STXBP5L: variants seen among roughly 807,000 people sequenced by gnomAD.
The protein encoded by STXBP5L is syntaxin-binding protein 5-like.
Under a neutral mutation model 144.5 loss-of-function variants are expected in STXBP5L, and 65 were observed. The observed-to-expected ratio is 0.45, with a 90% CI of 0.37 to 0.55. The LOEUF is 0.55. Among genes scored for constraint, STXBP5L ranks in the 20% least tolerant of loss-of-function variants. The pLI, the probability that STXBP5L is intolerant of heterozygous loss-of-function variation, is 0.00. For synonymous variants in STXBP5L, 505 were observed against 469.6 expected, an observed-to-expected ratio of 1.08 and a Z score of -0.97; for missense variants, 1,298 against 1,405.5, an observed-to-expected ratio of 0.92 and a Z score of 1.22.
At chr3:120,970,216 T>C (rs1449522348) in intron 3 of STXBP5L, among the ~76,000 whole-genome samples, 1 of 152,140 alleles carries the variant, frequency 6.6e-6, no homozygotes, top group African/African-American at 2.4e-5. Context: ...AAGATGTAAA[T>C]GGCTTACTTA....
At chr3:121,189,984 G>C (rs1045555372) in intron 9 of STXBP5L, among the ~76,000 whole-genome samples, 1 of 151,686 alleles carries the variant, frequency 6.6e-6, no homozygotes, top group East Asian at 1.9e-4. Context: ...TAAGCATCTT[G>C]GCATTCTGAG....
At chr3:121,274,783 G>A (rs1016314522) in intron 18 of STXBP5L, among the ~76,000 whole-genome samples, 1 of 152,132 alleles carries the variant, frequency 6.6e-6, no homozygotes, top group Non-Finnish European at 1.5e-5. Flanking sequence ...ATGATGACTT[G>A]GTCCCAGGGG....
At position 120,963,427 on chromosome 3, in the gene STXBP5L, T is replaced by G. The variant is rs150866136; in HGVS notation, c.287+8390T>G. 3.9e-3 allele frequency among the ~76,000 whole-genome samples: 598 copies of G among 152,312 alleles called. 13 individuals are homozygous for G. Among genetic ancestry groups the G allele is most frequent in the Admixed American group, 0.03 (462 of 15,298 alleles). Reference sequence around the variant, plus strand: ...GGCAGTATGTCATAAATAGCTCTTATTATTTTGAGATATGTGCCATCAATA... The same window carrying G: ...GGCAGTATGTCATAAATAGCTCTTAGTATTTTGAGATATGTGCCATCAATA... On this transcript the variant is annotated intron_variant, in intron 3 of 26. Coordinates refer to ENST00000471454, the MANE Select transcript of STXBP5L (RefSeq NM_001308330.2).
intron 3 of STXBP5L, among the ~76,000 whole-genome samples, chr3:120,993,765 ATTGCT>A (rs1266615491): frequency 2.0e-5 from 3 of 151,678 alleles, no homozygotes; most frequent in Non-Finnish European, 4.4e-5. Flanking sequence ...TTTCTTTAGG[ATTGCT>A]TTTGCTACTC....
chr3:121,192,479 T>A (rs1355710238), intron 9 of STXBP5L, among the ~76,000 whole-genome samples: 1 of 152,168 alleles, frequency 6.6e-6, no homozygotes, highest in East Asian at 1.9e-4. Flanking sequence ...TACTTTAAAG[T>A]TCATATGGAA....
Position 121,045,497 on chromosome 3 carries a change from G to T in STXBP5L, c.432G>T (p.Arg144Ser), listed in dbSNP as rs752442634. 2.4e-5 allele frequency: 38 copies of T among 1,612,888 alleles called. No individual in the cohort carries two copies. The South Asian group carries it at 3.7e-4, about 16-fold the overall frequency. ...ATTTGTGGAACCTTAGACAAAAAAGGCCAGCCATACTCCATTCTCTTAAAT... is the reference window on the plus strand; with the variant it reads ...ATTTGTGGAACCTTAGACAAAAAAGTCCAGCCATACTCCATTCTCTTAAAT... Reference protein sequence around the residue: ...TLHLWNLRQKRPAILHSLKFN... With the variant: ...TLHLWNLRQKSPAILHSLKFN... Residue 144 changes from arginine (R) to serine (S), a missense_variant, in exon 5 of 27, where the codon AGG becomes AGT. Transcript: ENST00000471454.
At chr3:121,293,542 T>C (rs1274028609) in intron 19 of STXBP5L, among the ~76,000 whole-genome samples, 1 of 152,216 alleles carries the variant, frequency 6.6e-6, no homozygotes, top group East Asian at 1.9e-4. Flanking sequence ...GAACAGCACA[T>C]TCCAAGCAGA....
chr3:120,926,471 T>C (rs1451919858), intron 2 of STXBP5L, among the ~76,000 whole-genome samples: 3 of 152,114 alleles, frequency 2.0e-5, no homozygotes, highest in African/African-American at 7.2e-5. Context: ...TTGCTGCTTT[T>C]AGGATCCTCT....
At chr3:121,093,138 G>T (rs1292943078) in intron 5 of STXBP5L, among the ~76,000 whole-genome samples, 4 of 152,202 alleles carry the variant, frequency 2.6e-5, no homozygotes, top group African/African-American at 7.2e-5. Flanking sequence ...GATCATGGTG[G>T]AGAAGCTTTT....
Position 121,114,905 on chromosome 3 carries a change from T to G in STXBP5L, c.471-20T>G, listed in dbSNP as rs756979011. Reference sequence around the variant, plus strand: ...AAATGTAAAATTTAGATATTTTAATTATAATTTTCTTTCTTTCAGAATTAC... The same window carrying G: ...AAATGTAAAATTTAGATATTTTAATGATAATTTTCTTTCTTTCAGAATTAC... On this transcript the variant is annotated intron_variant, in intron 5 of 26. Transcript: ENST00000471454. 1.4e-6 allele frequency: 2 copies of G among 1,446,266 alleles called. No homozygotes were observed. The highest frequency in any genetic ancestry group is 2.9e-5 in the Admixed American group (1 of 35,026). 89.6% of individuals were successfully genotyped at this position (1,446,266 alleles called of 1,614,324 possible).
chr3:121,111,787 A>G (rs2043998377), intron 5 of STXBP5L, among the ~76,000 whole-genome samples: 1 of 152,182 alleles, frequency 6.6e-6, no homozygotes, highest in African/African-American at 2.4e-5. Flanking sequence ...AATCCCACTC[A>G]TCTGCACTTC....
At chr3:121,069,544 AC>A (rs2041708549) in intron 5 of STXBP5L, among the ~76,000 whole-genome samples, 1 of 152,106 alleles carries the variant, frequency 6.6e-6, no homozygotes, top group Non-Finnish European at 1.5e-5. Flanking sequence ...ACATTTGTTT[AC>A]ATTTATAAGA....
chr3:121,004,397 T>C (rs1425707101), intron 3 of STXBP5L, among the ~76,000 whole-genome samples: 5 of 152,116 alleles, frequency 3.3e-5, no homozygotes, highest in Non-Finnish European at 5.9e-5. Context: ...TGCCCATTGA[T>C]TTTGTATCCT....
chr3:120,961,143 G>A (rs1365766953), intron 3 of STXBP5L, among the ~76,000 whole-genome samples: 1 of 148,504 alleles, frequency 6.7e-6, no homozygotes, highest in Non-Finnish European at 1.5e-5. Flanking sequence ...ATGAGCCTTT[G>A]TATTTCTGTG....
intron 20 of STXBP5L, among the ~76,000 whole-genome samples, chr3:121,328,373 A>C (rs972887751): frequency 6.6e-6 from 1 of 152,226 alleles, no homozygotes; most frequent in Admixed American, 6.5e-5. Context: ...GGAAGCATCA[A>C]TCTTTCTGAA....
intron 19 of STXBP5L, among the ~76,000 whole-genome samples, chr3:121,314,466 G>A (rs866864637): frequency 0.035 from 4,946 of 142,686 alleles, 133 homozygotes; most frequent in Middle Eastern, 0.079. Flanking sequence ...GTGGCGGCGC[G>A]CGCCTGCAAT....
chr3:121,202,939 T>G (rs1181399237), intron 9 of STXBP5L, among the ~76,000 whole-genome samples: 1 of 152,104 alleles, frequency 6.6e-6, no homozygotes, highest in African/African-American at 2.4e-5. Context: ...TAGGAAAGTT[T>G]TCAACCATTA....
intron 3 of STXBP5L, among the ~76,000 whole-genome samples, chr3:120,985,200 AT>A (rs1272327360): frequency 6.6e-6 from 1 of 151,732 alleles, no homozygotes. Context: ...GTACTCCCTC[AT>A]TTTCAGTATT....
At chr3:121,198,897 A>T (rs2048026022) in intron 9 of STXBP5L, among the ~76,000 whole-genome samples, 1 of 152,162 alleles carries the variant, frequency 6.6e-6, no homozygotes, top group Non-Finnish European at 1.5e-5. Context: ...GCCTTGTAGT[A>T]TAGTGTGAAC....
Sources: allele counts gnomAD v4.1 joint callset (sites outside exome capture counted in the v4.1 genomes callset), GRCh38; gene constraint gnomAD v4.1.1; transcripts MANE v1.5; gene names NCBI Gene and HGNC (gene_info 2026-07-23, HGNC 2026-07-21).